Variants in MATN2 observed in about 807,000 individuals in gnomAD.
The protein encoded by MATN2 is matrilin 2, also known as matrilin-2.
In MATN2, 69 loss-of-function variants were observed where a neutral mutation model predicts 103.2. The observed-to-expected ratio is 0.67, with a 90% confidence interval of 0.55 to 0.82. The LOEUF is 0.82. Among genes scored for constraint, MATN2 ranks in the 40% least tolerant of loss-of-function variants. The probability of loss-of-function intolerance (pLI) is 0.00; values close to 1 mark genes in which losing one functional copy is unlikely to be tolerated. For missense variants in MATN2, 1,023 were observed against 1,211.5 expected (o/e 0.84, Z 2.31); for synonymous variants, 429 against 450.2 (o/e 0.95, Z 0.60).
At chr8:97,915,365 G>T (rs1431362302) in intron 2 of MATN2, among the ~76,000 whole-genome samples, 1 of 152,262 alleles carries the variant, frequency 6.6e-6, no homozygotes, top group Non-Finnish European at 1.5e-5. Context: ...GGCTGAGACT[G>T]GTTCTCATAC....
At chr8:97,890,557 C>CA (rs1554599064) in intron 2 of MATN2, among the ~76,000 whole-genome samples, 1 of 148,254 alleles carries the variant, frequency 6.7e-6, no homozygotes, top group Non-Finnish European at 1.5e-5. Context: ...GTGCAATCTG[C>CA]TTTTTTTTTT....
At chr8:97,933,353 C>T (rs1354584714) in intron 3 of MATN2, among the ~76,000 whole-genome samples, 1 of 152,138 alleles carries the variant, frequency 6.6e-6, no homozygotes, top group Non-Finnish European at 1.5e-5. Context: ...TTTCCCCTTT[C>T]CTGAAAATAT....
intron 4 of MATN2, among the ~76,000 whole-genome samples, chr8:97,944,967 C>T (rs1195800701): frequency 6.6e-6 from 1 of 152,228 alleles, no homozygotes; most frequent in Non-Finnish European, 1.5e-5. Flanking sequence ...TTCTTCCATA[C>T]AATCATTGAT....
intron 2 of MATN2, among the ~76,000 whole-genome samples, chr8:97,904,943 T>C (rs1325787334): frequency 6.6e-6 from 1 of 152,196 alleles, no homozygotes; most frequent in African/African-American, 2.4e-5. Context: ...TCTATTATGA[T>C]TGCAAGCAAC....
chr8:98,026,256 G>T (rs7843250), intron 13 of MATN2, among the ~76,000 whole-genome samples: 12,629 of 124,712 alleles, frequency 0.1, 818 homozygotes, highest in Admixed American at 0.2. Context: ...TTTTAATTTT[G>T]TTTTTTTTTT....
chr8:97,878,461 G>A (rs949420844), intron 1 of MATN2, among the ~76,000 whole-genome samples: 1 of 151,840 alleles, frequency 6.6e-6, no homozygotes, highest in African/African-American at 2.4e-5. Flanking sequence ...TGAGGCAGGA[G>A]GATTGCTTGA....
chr8:97,877,458 C>G (rs575451783), intron 1 of MATN2, among the ~76,000 whole-genome samples: 77 of 151,090 alleles, frequency 5.1e-4, no homozygotes, highest in Non-Finnish European at 7.7e-4. Context: ...GCCTGAGCAA[C>G]GAGAGTGAAA....
At chr8:98,003,949 T>C in intron 8 of MATN2, 166 bp downstream of exon 8, 1 of 773,996 alleles carries the variant, frequency 1.3e-6, no homozygotes, top group Non-Finnish European at 2.1e-6. Context: ...AATGTGACTA[T>C]TAATGCTATC....
At chr8:98,000,669 G>C (rs1812753670) in intron 7 of MATN2, among the ~76,000 whole-genome samples, 1 of 151,588 alleles carries the variant, frequency 6.6e-6, no homozygotes, top group Non-Finnish European at 1.5e-5. Flanking sequence ...TGTTTGTAAA[G>C]TGGTTGGCAC....
intron 14 of MATN2, among the ~76,000 whole-genome samples, chr8:98,029,170 T>C (rs1244256388): frequency 6.6e-6 from 1 of 152,218 alleles, no homozygotes; most frequent in Non-Finnish European, 1.5e-5. Flanking sequence ...ATTTTATTGA[T>C]ACTGCGTACC....
rs548311795 is a variant in MATN2, at chr8:98,018,259, T to C, written c.1819+143T>C. On this transcript the variant is annotated intron_variant, in intron 12 of 18. Coordinates refer to ENST00000254898, the MANE Select transcript of MATN2 (RefSeq NM_002380.5). ...CTTGGGTGCTCTGAAAGTGTTTAGC[T>C]AGAGATCAGTTCAGTAGCCCCTTGC... 5.5e-6 allele frequency: 6 copies of C among 1,096,986 alleles called. No homozygotes were observed. The East Asian group carries it at 1.5e-4, about 27-fold the overall frequency. 68.0% of individuals were successfully genotyped at this position (1,096,986 alleles called of 1,614,324 possible).
intron 13 of MATN2, chr8:98,025,802 G>A (rs1313289362): frequency 2.4e-6 from 1 of 410,372 alleles, no homozygotes; most frequent in Non-Finnish European, 4.7e-6. Context: ...TTCTTTTGCA[G>A]TCCTAAATAA....
chr8:97,991,580 G>A (rs977948466), intron 6 of MATN2, among the ~76,000 whole-genome samples: 2 of 152,100 alleles, frequency 1.3e-5, no homozygotes, highest in South Asian at 4.1e-4. Context: ...AAATTAGCTG[G>A]GTGTGGTGGT....
At chr8:97,929,717 C>T (rs954019602) in intron 2 of MATN2, among the ~76,000 whole-genome samples, 4 of 152,172 alleles carry the variant, frequency 2.6e-5, no homozygotes, top group African/African-American at 7.2e-5. Context: ...GTCAGGTCCC[C>T]TTTTCTCTAT....
chr8:98,002,144 A>G (rs540653896), intron 7 of MATN2, among the ~76,000 whole-genome samples: 2 of 152,192 alleles, frequency 1.3e-5, no homozygotes, highest in Admixed American at 1.3e-4. Context: ...GGAGCCTGCT[A>G]TGTGTGGGGT....
chr8:97,989,670 G>A (rs1812327231), intron 6 of MATN2, among the ~76,000 whole-genome samples: 1 of 151,810 alleles, frequency 6.6e-6, no homozygotes, highest in African/African-American at 2.4e-5. Context: ...GACAGAGAAA[G>A]ATCAATAAAT....
chr8:97,898,330 T>A (rs1818880924), intron 2 of MATN2, among the ~76,000 whole-genome samples: 1 of 152,070 alleles, frequency 6.6e-6, no homozygotes, highest in Non-Finnish European at 1.5e-5. Flanking sequence ...GTGCGGTGGC[T>A]CATGCCTGTA....
intron 2 of MATN2, among the ~76,000 whole-genome samples, chr8:97,924,609 T>C (rs575045847): frequency 1.3e-5 from 2 of 152,296 alleles, no homozygotes; most frequent in Admixed American, 6.5e-5. Context: ...TTGACCGTAC[T>C]GAACTCTCCG....
At chr8:97,939,378 C>A (rs760290768) in intron 3 of MATN2, among the ~76,000 whole-genome samples, 1 of 151,962 alleles carries the variant, frequency 6.6e-6, no homozygotes, top group Non-Finnish European at 1.5e-5. Context: ...AATGAAAAAA[C>A]AAACAAACAA....
Sources: allele counts gnomAD v4.1 joint callset (sites outside exome capture counted in the v4.1 genomes callset), GRCh38; gene constraint gnomAD v4.1.1; transcripts MANE v1.5; gene names NCBI Gene and HGNC (gene_info 2026-07-23, HGNC 2026-07-21).